The following NMS variants were observed in gnomAD, a reference collection of about 807,000 sequenced individuals.
NMS encodes the protein neuromedin-S.
Under a neutral mutation model 32.2 loss-of-function variants are expected in NMS, and 30 were observed. That is an observed-to-expected ratio of 0.93 (90% CI 0.70 to 1.26). The LOEUF is 1.26. Ranked by LOEUF, NMS falls within the 50% of genes most tolerant of loss-of-function variation. The probability of loss-of-function intolerance (pLI) is 0.00; values close to 1 mark genes in which losing one functional copy is unlikely to be tolerated. For missense variants in NMS, 190 were observed against 186.3 expected (o/e 1.02, Z -0.12); for synonymous variants, 76 against 58.5 (o/e 1.30, Z -1.37).
At position 100,482,312 on chromosome 2, in the gene NMS, G is replaced by C. The variant is rs776803472; in HGVS notation, c.449+1G>C. ...GAAGAAACATTGAAGATGAGGCCCAGTAGGTAGTCCAAGATCAGCTTCATC... is the reference window on the plus strand; with the variant it reads ...GAAGAAACATTGAAGATGAGGCCCACTAGGTAGTCCAAGATCAGCTTCATC... On this transcript the variant is annotated splice_donor_variant, in intron 9 of 9. Transcript: ENST00000376865. LOFTEE classifies it high-confidence loss of function. 6.2e-7 allele frequency: 1 copy of C among 1,613,908 alleles called. No individual in the cohort carries two copies. Among genetic ancestry groups the C allele is most frequent in the Non-Finnish European group, 8.5e-7 (1 of 1,179,842 alleles).
chr2:100,475,931 G>A (rs1677101712), intron 3 of NMS, among the ~76,000 whole-genome samples: 1 of 151,086 alleles, frequency 6.6e-6, no homozygotes, highest in Non-Finnish European at 1.5e-5. Context: ...CCTGGGAGGT[G>A]GAGGCTGCAG....
At position 100,482,338 on chromosome 2, in the gene NMS, A is replaced by G. The variant is rs1042823195; in HGVS notation, c.449+27A>G. The G allele has an allele frequency of 6.2e-6, 10 of 1,610,090 alleles. No homozygotes were observed. In the Admixed American group the frequency reaches 6.7e-5, roughly 11 times the overall value. On this transcript the variant is annotated intron_variant, in intron 9 of 9. Transcript: ENST00000376865. ...TAGGTAGTCCAAGATCAGCTTCATC[A>G]CCCTTTTTCTCTTTCAAGCAAATTT... is the stretch of plus-strand genomic sequence containing the variant.
chr2:100,476,717 G>A (rs910794934), intron 3 of NMS, among the ~76,000 whole-genome samples: 19 of 152,140 alleles, frequency 1.2e-4, no homozygotes, highest in African/African-American at 4.1e-4. Context: ...AGTCAGATAA[G>A]CGCACATGCA....
At chr2:100,480,652 C>T in intron 7 of NMS, 121 bp downstream of exon 7, 2 of 909,926 alleles carry the variant, frequency 2.2e-6, no homozygotes, top group Non-Finnish European at 3.4e-6. Context: ...GAGCTGGTCT[C>T]CAAAGGACCC....
intron 9 of NMS, 63 bp from the exon 10 acceptor site, chr2:100,483,189 G>A: frequency 6.8e-7 from 1 of 1,469,782 alleles, no homozygotes; most frequent in Admixed American, 1.8e-5. Context: ...CCTGCCCATG[G>A]GCTTTGTCTT....
At chr2:100,483,145 C>G (rs1677251157) in intron 9 of NMS, 107 bp from the exon 10 acceptor site, 1 of 974,466 alleles carries the variant, frequency 1.0e-6, no homozygotes, top group African/African-American at 1.6e-5. Flanking sequence ...ACACTTCAAA[C>G]TGAGGTCTAA....
chr2:100,482,032 G>A (rs6735337), intron 8 of NMS, among the ~76,000 whole-genome samples: 1 of 151,970 alleles, frequency 6.6e-6, no homozygotes, highest in Non-Finnish European at 1.5e-5. Context: ...GACTAAAGGG[G>A]GGGGATGATG....
chr2:100,481,509 C>T (rs534242527), intron 8 of NMS, among the ~76,000 whole-genome samples: 1 of 152,182 alleles, frequency 6.6e-6, no homozygotes, highest in African/African-American at 2.4e-5. Flanking sequence ...GGAGCTTAGG[C>T]ACCATCCTCT....
intron 9 of NMS, among the ~76,000 whole-genome samples, chr2:100,482,600 A>G (rs1677240942): frequency 6.6e-6 from 1 of 152,060 alleles, no homozygotes; most frequent in Non-Finnish European, 1.5e-5. Context: ...ATGGGGATGC[A>G]GGCTCATTGC....
At chr2:100,480,972 TG>T (rs1413574460) in intron 7 of NMS, among the ~76,000 whole-genome samples, 153 bp from the exon 8 acceptor site, 1 of 152,184 alleles carries the variant, frequency 6.6e-6, no homozygotes. Flanking sequence ...GGGTCTGGAT[TG>T]GGGCAAAGAG....
chr2:100,472,924 T>C, intron 2 of NMS, 74 bp downstream of exon 2: 2 of 980,046 alleles, frequency 2.0e-6, no homozygotes, highest in Non-Finnish European at 3.2e-6. Flanking sequence ...TAATGTTCAC[T>C]TAAAACTATT....
chr2:100,476,890 T>C (rs1677120978), intron 3 of NMS, among the ~76,000 whole-genome samples: 1 of 152,174 alleles, frequency 6.6e-6, no homozygotes, highest in Non-Finnish European at 1.5e-5. Flanking sequence ...TAGAATACAC[T>C]CTGCGGCAAA....
intron 1 of NMS, among the ~76,000 whole-genome samples, chr2:100,472,430 T>A (rs1677021802): frequency 6.6e-6 from 1 of 152,242 alleles, no homozygotes; most frequent in Admixed American, 6.5e-5. Flanking sequence ...TGACACCATT[T>A]TCTGAGATGC....
chr2:100,475,472 C>T (rs568594227), intron 3 of NMS, among the ~76,000 whole-genome samples: 3 of 152,296 alleles, frequency 2.0e-5, no homozygotes, highest in Admixed American at 2.0e-4. Context: ...CTGGTCACCA[C>T]ATGGGATTAG....
rs561313039 is a variant in NMS at position 100,480,618 on chromosome 2, G to A, written c.372+87G>A. The A allele has an allele frequency of 1.5e-5, 21 of 1,365,104 alleles. No individual in the cohort carries two copies. The East Asian group carries it at 4.2e-4, about 27-fold the overall frequency. The allele number at this position is 1,365,104 out of a possible 1,614,324, so 84.6% of individuals were successfully genotyped here. A position where few individuals can be genotyped will look rare whatever the true frequency, so the allele number is the denominator to read the frequency against. ...AGTCCTTGGAGCCAGCCACCCTGCA[G>A]CCCCTCCAGACCAGTTCTGGGCAGA... On this transcript the variant is annotated intron_variant, in intron 7 of 9. Transcript: ENST00000376865.
chr2:100,477,463 C>T (rs1558668691), intron 5 of NMS, 49 bp downstream of exon 5: 1 of 1,347,926 alleles, frequency 7.4e-7, no homozygotes, highest in Admixed American at 1.8e-5. Context: ...CTCTCCTCTG[C>T]ATGTCGTCCA....
In NMS at chr2:100,477,430, T is replaced by C; in HGVS notation, c.261+16T>C. On this transcript the variant is annotated intron_variant, in intron 5 of 9. Transcript: ENST00000376865. ...TAAAACTGGGGTCAGTATTTTATTA[T>C]AATCATCTGTCTGTAAAAGTGGCTC... The C allele has an allele frequency of 6.3e-7, 1 of 1,597,044 alleles. No individual in the cohort carries two copies.
chr2:100,480,630 C>T, intron 7 of NMS, 99 bp downstream of exon 7: 1 of 1,169,336 alleles, frequency 8.6e-7, no homozygotes, highest in Non-Finnish European at 1.3e-6. Flanking sequence ...CCCTCCAGAC[C>T]AGTTCTGGGC....
intron 1 of NMS, 114 bp downstream of exon 1, chr2:100,470,678 A>T: frequency 1.2e-6 from 1 of 830,506 alleles, no homozygotes; most frequent in Non-Finnish European, 2.1e-6. Context: ...CCCCCGCCAG[A>T]CCTTCTTGAT....
Sources: allele counts gnomAD v4.1 joint callset (sites outside exome capture counted in the v4.1 genomes callset), GRCh38; gene constraint gnomAD v4.1.1; transcripts MANE v1.5; gene names NCBI Gene and HGNC (gene_info 2026-07-23, HGNC 2026-07-21).